MOK: variants seen among roughly 807,000 people sequenced by gnomAD.
MOK encodes the protein MAPK/MAK/MRK overlapping kinase.
Under a neutral mutation model 54.2 loss-of-function variants are expected in MOK, and 59 were observed. The observed-to-expected ratio is 1.09, with a 90% CI of 0.88 to 1.35. The LOEUF (loss-of-function observed/expected upper bound fraction) is 1.35, where lower values mean the gene tolerates loss of function less well. Among genes scored for constraint, MOK ranks in the 40% most tolerant of loss-of-function variants. The pLI, the probability that MOK is intolerant of heterozygous loss-of-function variation, is 0.00. For synonymous variants in MOK, 210 were observed against 202.7 expected, an observed-to-expected ratio of 1.04 and a Z score of -0.31; for missense variants, 517 against 526.2, an observed-to-expected ratio of 0.98 and a Z score of 0.17.
chr14:102,239,481 C>T (rs1167940919), intron 7 of MOK, among the ~76,000 whole-genome samples: 1 of 128,504 alleles, frequency 7.8e-6, no homozygotes, highest in Non-Finnish European at 1.9e-5. Context: ...CCCTCATCCG[C>T]CATCTCCTCT....
intron 2 of MOK, among the ~76,000 whole-genome samples, chr14:102,273,944 A>G (rs1264681033): frequency 1.3e-5 from 2 of 151,896 alleles, no homozygotes; most frequent in Admixed American, 1.3e-4. Flanking sequence ...TCATAATCTC[A>G]ATAGTTTTTT....
intron 2 of MOK, among the ~76,000 whole-genome samples, chr14:102,281,902 C>A (rs1289820953): frequency 6.6e-6 from 1 of 152,188 alleles, no homozygotes; most frequent in Non-Finnish European, 1.5e-5. Context: ...GAGCAGAACA[C>A]CTGGTGGCTT....
Position 102,263,575 on chromosome 14 carries a change from A to G in MOK, c.254T>C (p.Met85Thr), listed in dbSNP as rs2067653783. Reference sequence around the variant, plus strand: ...TATTAGCTCATAAATATTCATGTCCATAAGTTCACATATTAGTGCAAGAGA... The same window carrying G: ...TATTAGCTCATAAATATTCATGTCCGTAAGTTCACATATTAGTGCAAGAGA... Reference protein sequence around the residue: ...SGSLALICELMDMNIYELIRG... With the variant: ...SGSLALICELTDMNIYELIRG... Residue 85 changes from methionine (M) to threonine (T), a missense_variant, in exon 4 of 12, where the codon ATG becomes ACG. By Grantham distance (81) the Met-to-Thr change is moderately conservative. Coordinates refer to ENST00000361847, the MANE Select transcript of MOK (RefSeq NM_014226.3). 1 of 1,606,896 alleles carries G rather than the reference A, an allele frequency of 6.2e-7. No homozygotes were observed. Among genetic ancestry groups the G allele is most frequent in the Non-Finnish European group, 8.5e-7 (1 of 1,177,260 alleles).
At chr14:102,260,275 G>A (rs574432722) in intron 4 of MOK, among the ~76,000 whole-genome samples, 1 of 152,062 alleles carries the variant, frequency 6.6e-6, no homozygotes, top group South Asian at 2.1e-4. Context: ...GAACCCAGGA[G>A]GCGGAAGTTG....
the MOK span, among the ~76,000 whole-genome samples, chr14:102,216,127 C>T: frequency 1.3e-5 from 2 of 152,210 alleles, no homozygotes; most frequent in Non-Finnish European, 2.9e-5. Context: ...AAGCTTCCCA[C>T]GGTGCTGTCT....
Position 102,251,933 on chromosome 14 carries a change from G to A in MOK, c.346C>T (p.Leu116=), listed in dbSNP as rs780660895. 6.9e-6 allele frequency: 11 copies of A among 1,604,734 alleles called. No individual in the cohort carries two copies. In the Admixed American group the frequency reaches 1.2e-4, roughly 17 times the overall value. Residue 116 remains leucine, a synonymous_variant, in exon 5 of 12, where the codon CTG becomes TTG. Coordinates refer to ENST00000361847, the MANE Select transcript of MOK (RefSeq NM_014226.3). ...AGAGCATACCTGTGAATATGATCCAGGGACTTACATAACTGGTACATATAG... is the reference window on the plus strand; with the variant it reads ...AGAGCATACCTGTGAATATGATCCAAGGACTTACATAACTGGTACATATAG... The part of the protein sequence containing the change: ...MHYMYQLCKS[L]DHIHRNGIFH...
rs1440687545 is a variant in MOK at position 102,283,609 on chromosome 14, T to C, written c.8-17A>G. The stretch of plus-strand genomic sequence containing the variant: ...CTTTATAGTCTATAAATAAAAATGA[T>C]TACAAAAATAAAATGTTATTTATGC... On this transcript the variant is annotated splice_polypyrimidine_tract_variant and intron_variant, in intron 1 of 11. Transcript: ENST00000361847. 5.9e-6 allele frequency: 9 copies of C among 1,515,804 alleles called. No homozygotes were observed. Among genetic ancestry groups the C allele is most frequent in the Non-Finnish European group, 8.2e-6 (9 of 1,099,696 alleles). The allele number at this position is 1,515,804 out of a possible 1,614,324, so 93.9% of individuals were successfully genotyped here. A position where few individuals can be genotyped will look rare whatever the true frequency, so the allele number is the denominator to read the frequency against.
rs950650533 is a variant in MOK, at chr14:102,229,153, A to C, written c.*136T>G. On this transcript the variant is annotated 3_prime_UTR_variant, in exon 12 of 12. Transcript: ENST00000361847. ...CGGGTGCGGCAGGGCGCAGGGCAGC[A>C]CCCAGAGCCCCGGCCAGCGCGAAAC... is the stretch of plus-strand genomic sequence containing the variant. The C allele has an allele frequency of 1.1e-6, 1 of 936,632 alleles. No individual in the cohort carries two copies. The highest frequency in any genetic ancestry group is 1.6e-6 in the Non-Finnish European group (1 of 638,012). 58.0% of individuals were successfully genotyped at this position (936,632 alleles called of 1,614,324 possible).
Position 102,233,713 on chromosome 14 carries a change from G to C in MOK, c.667C>G (p.Gln223Glu). Residue 223 changes from glutamine to glutamate, a missense_variant, in exon 8 of 12, where the codon CAG (glutamine) becomes GAG (glutamate). Gln to Glu is a conservative substitution (Grantham distance 29). Coordinates refer to ENST00000361847, the MANE Select transcript of MOK (RefSeq NM_014226.3). ...TGTTTGAACTTGGTGAGGATCTTCT[G>C]AGCGGGTGTGCCGATGACATCGTGG... ...KIHDVIGTPA[Q>E]KILTKFKQSR... 1.2e-6 allele frequency: 2 copies of C among 1,613,838 alleles called. No individual in the cohort carries two copies. The highest frequency in any genetic ancestry group is 8.5e-7 in the Non-Finnish European group (1 of 1,179,734).
chr14:102,220,953 G>A (rs1039494747), downstream of MOK, among the ~76,000 whole-genome samples: 2 of 152,188 alleles, frequency 1.3e-5, no homozygotes, highest in Non-Finnish European at 2.9e-5. The surrounding 1 kb of genome is among the most constrained non-coding windows in gnomAD (Gnocchi z 4.2). Flanking sequence ...TATTAGTAGA[G>A]ATGGAGTTTC....
downstream of MOK, among the ~76,000 whole-genome samples, chr14:102,228,197 G>A (rs769037302): frequency 1.3e-5 from 2 of 152,162 alleles, no homozygotes; most frequent in Non-Finnish European, 2.9e-5. Flanking sequence ...GACAGGCCAG[G>A]GGCAGGGCTC....
At chr14:102,225,853 C>T (rs2064220436), downstream of MOK, 1 of 174,630 alleles carries the variant, frequency 5.7e-6, no homozygotes, top group Admixed American at 5.4e-5. Flanking sequence ...GTCATGCCCT[C>T]ACTCAGGTGC....
chr14:102,237,062 T>C (rs2065286680), intron 7 of MOK, among the ~76,000 whole-genome samples: 1 of 152,168 alleles, frequency 6.6e-6, no homozygotes, highest in Admixed American at 6.5e-5. Flanking sequence ...TGCACCCTGA[T>C]TCCCAAAACC....
chr14:102,304,914 C>T, intron 1 of MOK, 48 bp downstream of exon 1: 1 of 1,560,546 alleles, frequency 6.4e-7, no homozygotes, highest in Non-Finnish European at 8.7e-7. Context: ...CCCTCCCTCC[C>T]CCGCCACTCG....
Position 102,233,726 on chromosome 14 carries a change from G to A in MOK, c.654C>T (p.Ile218=), listed in dbSNP as rs778360894. The A allele has an allele frequency of 7.4e-6, 12 of 1,613,966 alleles. No individual in the cohort carries two copies. Among genetic ancestry groups the A allele is most frequent in the African/African-American group, 4.0e-5 (3 of 74,928 alleles). Residue 218 remains isoleucine (I), a synonymous_variant, in exon 8 of 12, where the codon ATC becomes ATT. Coordinates refer to ENST00000361847, the MANE Select transcript of MOK (RefSeq NM_014226.3). ...LDQISKIHDV[I]GTPAQKILTK... is the part of the protein sequence containing the mutation. ...TGAGGATCTTCTGAGCGGGTGTGCC[G>A]ATGACATCGTGGATTTTTGAGATTT...
chr14:102,285,275 C>G (rs961657728), intron 1 of MOK, among the ~76,000 whole-genome samples: 3 of 152,140 alleles, frequency 2.0e-5, no homozygotes, highest in Non-Finnish European at 4.4e-5. Context: ...CAGATGGGGT[C>G]TTGCTATGTT....
At chr14:102,268,521 G>T (rs553985913) in intron 2 of MOK, among the ~76,000 whole-genome samples, 1 of 152,262 alleles carries the variant, frequency 6.6e-6, no homozygotes, top group Admixed American at 6.5e-5. Context: ...TAAGAGGAAT[G>T]TAGGCAGCCT....
At chr14:102,218,450 C>T in the MOK span, among the ~76,000 whole-genome samples, 1 of 152,220 alleles carries the variant, frequency 6.6e-6, no homozygotes, top group Non-Finnish European at 1.5e-5. Flanking sequence ...TGGCCTGTGG[C>T]CCTCACAGTC....
Position 102,232,843 on chromosome 14 carries a change from G to A in MOK, c.693-135C>T. ...GAGTCTACACCTGTCCCAGCCCACAGAACGTGCACCACCAAGAGGGACCCC... is the reference window on the plus strand; with the variant it reads ...GAGTCTACACCTGTCCCAGCCCACAAAACGTGCACCACCAAGAGGGACCCC... On this transcript the variant is annotated intron_variant, in intron 8 of 11. Transcript: ENST00000361847. The surrounding 1 kb of genome is among the most constrained non-coding windows in gnomAD (Gnocchi z 5.1). The A allele has an allele frequency of 1.4e-6, 1 of 701,106 alleles. No homozygotes were observed. Among genetic ancestry groups the A allele is most frequent in the South Asian group, 2.1e-5 (1 of 47,242 alleles). The allele number at this position is 701,106 out of a possible 1,614,324, so 43.4% of individuals were successfully genotyped here. A position where few individuals can be genotyped will look rare whatever the true frequency, so the allele number is the denominator to read the frequency against.
Sources: allele counts gnomAD v4.1 joint callset (sites outside exome capture counted in the v4.1 genomes callset), GRCh38; gene constraint gnomAD v4.1.1; non-coding constraint Gnocchi (gnomAD v3.1); transcripts MANE v1.5; gene names NCBI Gene and HGNC (gene_info 2026-07-23, HGNC 2026-07-21).